Variants in CLPB observed in about 807,000 individuals in gnomAD.
CLPB encodes mitochondrial disaggregase.
In CLPB, 40 loss-of-function variants were observed where a neutral mutation model predicts 78.4. The observed-to-expected ratio is 0.51, with a 90% CI of 0.40 to 0.66. The LOEUF (loss-of-function observed/expected upper bound fraction) is 0.66, where lower values mean the gene tolerates loss of function less well. Among genes scored for constraint, CLPB ranks in the 30% least tolerant of loss-of-function variants. CLPB has a pLI of 0.00. For synonymous variants in CLPB, 333 were observed against 348.0 expected (o/e 0.96, Z 0.48); for missense variants, 780 against 886.9 (o/e 0.88, Z 1.53).
intron 3 of CLPB, among the ~76,000 whole-genome samples, chr11:72,388,826 A>C (rs1457847341): frequency 1.3e-5 from 2 of 152,218 alleles, no homozygotes; most frequent in African/African-American, 4.8e-5. Flanking sequence ...AAAGAACCTC[A>C]CTGAAACTAT....
chr11:72,412,573 T>C (rs1855909715), intron 2 of CLPB, among the ~76,000 whole-genome samples: 1 of 152,212 alleles, frequency 6.6e-6, no homozygotes. Context: ...CTGATCTATA[T>C]ATGAGCCTGC....
At chr11:72,379,832 G>T (rs768072744) in intron 4 of CLPB, among the ~76,000 whole-genome samples, 2 of 152,214 alleles carry the variant, frequency 1.3e-5, no homozygotes, top group African/African-American at 2.4e-5. Flanking sequence ...TTCTGAGGCT[G>T]AGGAATCCAG....
At chr11:72,410,550 G>A (rs371976745) in intron 2 of CLPB, among the ~76,000 whole-genome samples, 2 of 152,166 alleles carry the variant, frequency 1.3e-5, no homozygotes, top group African/African-American at 4.8e-5. Flanking sequence ...GTGTTCACTC[G>A]ATTTTAAAGA....
intron 7 of CLPB, among the ~76,000 whole-genome samples, chr11:72,310,716 A>G (rs537112282): frequency 1.3e-5 from 2 of 152,338 alleles, no homozygotes; most frequent in South Asian, 4.1e-4. Flanking sequence ...ACTGAGTTCA[A>G]GCTTCATGGG....
chr11:72,323,565 CA>C (rs371241451), intron 6 of CLPB, among the ~76,000 whole-genome samples: 1,220 of 68,788 alleles, frequency 0.018, 3 homozygotes, highest in African/African-American at 0.034. Flanking sequence ...GACTCCATCT[CA>C]AAAAAAAAAA....
At chr11:72,340,053 T>A (rs894328204) in intron 5 of CLPB, among the ~76,000 whole-genome samples, 3 of 152,208 alleles carry the variant, frequency 2.0e-5, no homozygotes, top group Non-Finnish European at 4.4e-5. Flanking sequence ...GGCTGTGGTG[T>A]CAGGGTGAAA....
At chr11:72,373,760 A>G (rs777017170) in intron 4 of CLPB, among the ~76,000 whole-genome samples, 12 of 152,142 alleles carry the variant, frequency 7.9e-5, no homozygotes, top group Non-Finnish European at 1.5e-4. Flanking sequence ...AGCCTGGCCA[A>G]CATGGTGAAA....
At chr11:72,295,387 C>T in intron 12 of CLPB, 105 bp downstream of exon 12, 1 of 1,234,480 alleles carries the variant, frequency 8.1e-7, no homozygotes, top group Non-Finnish European at 1.1e-6. Context: ...ACAGAGCTGC[C>T]CACTAGAACC....
intron 4 of CLPB, chr11:72,372,823 C>T: frequency 9.5e-7 from 1 of 1,052,824 alleles, no homozygotes; most frequent in Non-Finnish European, 1.5e-6. Context: ...ACAGTGGGTG[C>T]TGGGTAGTTA....
At chr11:72,335,603 C>T (rs1950306243) in intron 5 of CLPB, among the ~76,000 whole-genome samples, 1 of 152,174 alleles carries the variant, frequency 6.6e-6, no homozygotes, top group Non-Finnish European at 1.5e-5. Flanking sequence ...TCCTTGTTTC[C>T]CTTCCACCCC....
intron 5 of CLPB, among the ~76,000 whole-genome samples, chr11:72,337,965 T>C (rs1950351403): frequency 6.6e-6 from 1 of 152,184 alleles, no homozygotes. Context: ...CATCCACAAG[T>C]CCCAACCCCC....
intron 4 of CLPB, among the ~76,000 whole-genome samples, chr11:72,369,576 C>A (rs1031334385): frequency 6.6e-6 from 1 of 152,188 alleles, no homozygotes; most frequent in Non-Finnish European, 1.5e-5. Flanking sequence ...GTCTCTACAC[C>A]TGCTTGCCTC....
At chr11:72,318,105 A>G (rs771701076) in intron 6 of CLPB, among the ~76,000 whole-genome samples, 1 of 152,264 alleles carries the variant, frequency 6.6e-6, no homozygotes, top group South Asian at 2.1e-4. Flanking sequence ...TTTGGTGAAT[A>G]TAAGTCTGTC....
intron 4 of CLPB, among the ~76,000 whole-genome samples, chr11:72,375,226 C>A (rs1260724444): frequency 6.6e-6 from 1 of 152,166 alleles, no homozygotes; most frequent in Non-Finnish European, 1.5e-5. Context: ...CTTTCCCCTC[C>A]AATTCCTCCT....
At chr11:72,423,582 T>A (rs1856272961) in intron 2 of CLPB, among the ~76,000 whole-genome samples, 1 of 152,196 alleles carries the variant, frequency 6.6e-6, no homozygotes, top group Non-Finnish European at 1.5e-5. Context: ...TCTTCCAGCA[T>A]CCAACACAGA....
At chr11:72,360,445 GA>G (rs1950814168) in intron 4 of CLPB, among the ~76,000 whole-genome samples, 1 of 151,824 alleles carries the variant, frequency 6.6e-6, no homozygotes, top group African/African-American at 2.4e-5. Flanking sequence ...AATACTAATA[GA>G]TTTTTTTTTT....
At chr11:72,384,336 C>T (rs987398917) in intron 3 of CLPB, among the ~76,000 whole-genome samples, 12 of 152,034 alleles carry the variant, frequency 7.9e-5, no homozygotes, top group African/African-American at 1.9e-4. Context: ...ATATATAATA[C>T]AAAAATATGT....
chr11:72,301,481 C>G (rs1433727992), intron 11 of CLPB, among the ~76,000 whole-genome samples: 1 of 152,176 alleles, frequency 6.6e-6, no homozygotes, highest in Non-Finnish European at 1.5e-5. Context: ...GCCAAGGCCA[C>G]AAAGCCAGTC....
intron 5 of CLPB, among the ~76,000 whole-genome samples, chr11:72,353,872 T>G (rs1048506625): frequency 6.6e-6 from 1 of 152,010 alleles, no homozygotes; most frequent in Non-Finnish European, 1.5e-5. Context: ...GGGGAAAAGG[T>G]AGGTGAGGGT....
Sources: allele counts gnomAD v4.1 joint callset (sites outside exome capture counted in the v4.1 genomes callset), GRCh38; gene constraint gnomAD v4.1.1; transcripts MANE v1.5; gene names NCBI Gene and HGNC (gene_info 2026-07-23, HGNC 2026-07-21).